RBFOX1: variants seen among roughly 807,000 people sequenced by gnomAD.
RBFOX1 encodes RNA binding protein fox-1 homolog 1.
A neutral mutation model predicts 57.7 loss-of-function variants in RBFOX1; 8 were observed. That is an observed-to-expected ratio of 0.14 (90% confidence interval 0.08 to 0.25). The LOEUF is 0.25. Ranked by LOEUF, RBFOX1 falls within the 10% of genes least tolerant of loss-of-function variation. The probability of loss-of-function intolerance (pLI) is 1.00; values close to 1 mark genes in which losing one functional copy is unlikely to be tolerated. For synonymous variants in RBFOX1, 326 were observed against 222.4 expected (o/e 1.47, Z -4.15); for missense variants, 611 against 548.5 (o/e 1.11, Z -1.14).
chr16:5,441,107 T>A (rs2068071075), intron 1 of RBFOX1, among the ~76,000 whole-genome samples: 1 of 152,206 alleles, frequency 6.6e-6, no homozygotes, highest in African/African-American at 2.4e-5. Context: ...TAATGTGGTT[T>A]GGACTAGTCT....
intron 1 of RBFOX1, among the ~76,000 whole-genome samples, chr16:6,055,663 G>T (rs2095606469): frequency 6.7e-6 from 1 of 150,214 alleles, no homozygotes; most frequent in South Asian, 2.1e-4. Flanking sequence ...GAAGTTTGCA[G>T]TCTGAGAAGC....
intron 1 of RBFOX1, among the ~76,000 whole-genome samples, chr16:5,374,879 C>G (rs1386674991): frequency 6.6e-6 from 1 of 151,694 alleles, no homozygotes; most frequent in Non-Finnish European, 1.5e-5. Context: ...CATGTAAGTA[C>G]CTGTATAATA....
At chr16:5,302,024 C>G (rs574705950) in intron 1 of RBFOX1, among the ~76,000 whole-genome samples, 3 of 151,992 alleles carry the variant, frequency 2.0e-5, no homozygotes, top group East Asian at 1.9e-4. Context: ...TCTTTAGGTT[C>G]CAGTTTAGAT....
chr16:7,442,388 C>G (rs180868030), intron 4 of RBFOX1, among the ~76,000 whole-genome samples: 87 of 152,236 alleles, frequency 5.7e-4, no homozygotes, highest in Middle Eastern at 3.4e-3. Context: ...ACGTAAGGAG[C>G]AGCATTTGTC....
chr16:7,305,352 G>T lies in RBFOX1; in HGVS notation c.28-212795G>T, dbSNP rs111529115. On this transcript the variant is annotated intron_variant, in intron 4 of 15. Coordinates refer to ENST00000550418, the MANE Select transcript of RBFOX1 (RefSeq NM_018723.4). The stretch of plus-strand genomic sequence containing the variant: ...GTTCCTGGGCTTGGGAAATAGCTCA[G>T]CACTGCCCTTGTAGGGTGACAGGCC... 3.1e-3 allele frequency among the ~76,000 whole-genome samples: 465 copies of T among 152,240 alleles called. 4 individuals are homozygous for T. The highest frequency in any genetic ancestry group is 0.011 in the African/African-American group (444 of 41,528).
intron 3 of RBFOX1, chr16:6,775,961 C>T (rs909056524): frequency 6.6e-6 from 1 of 152,168 alleles, no homozygotes; most frequent in South Asian, 2.1e-4. Flanking sequence ...GGATTGTGTT[C>T]ACAGGCATAT....
intron 3 of RBFOX1, among the ~76,000 whole-genome samples, chr16:5,829,097 C>T (rs894756469): frequency 2.6e-5 from 4 of 152,128 alleles, no homozygotes; most frequent in African/African-American, 9.7e-5. Flanking sequence ...AAGTCTCTAG[C>T]TCCAGCTCAC....
chr16:6,637,198 T>A (rs1208701035), intron 2 of RBFOX1, among the ~76,000 whole-genome samples: 6 of 66,366 alleles, frequency 9.0e-5, no homozygotes, highest in Admixed American at 5.6e-4. Flanking sequence ...CAATATATAT[T>A]ATATATTATA....
chr16:5,563,286 T>C (rs188133346), intron 2 of RBFOX1, among the ~76,000 whole-genome samples: 2 of 152,344 alleles, frequency 1.3e-5, no homozygotes, highest in Admixed American at 1.3e-4. Flanking sequence ...TCCTGACCCA[T>C]GTTCATTTCC....
At chr16:5,243,611 G>A (rs1363672058) in intron 1 of RBFOX1, among the ~76,000 whole-genome samples, 1 of 152,126 alleles carries the variant, frequency 6.6e-6, no homozygotes, top group East Asian at 1.9e-4. Context: ...GTCTCCAGAC[G>A]GTTTCAAATG....
At chr16:5,290,997 G>A (rs1321571696) in intron 1 of RBFOX1, among the ~76,000 whole-genome samples, 1 of 152,200 alleles carries the variant, frequency 6.6e-6, no homozygotes, top group Non-Finnish European at 1.5e-5. Flanking sequence ...ACTGCGCTCA[G>A]CCAGATTTAA....
intron 3 of RBFOX1, among the ~76,000 whole-genome samples, chr16:5,750,456 C>T (rs550137953): frequency 6.6e-6 from 1 of 152,220 alleles, no homozygotes; most frequent in Non-Finnish European, 1.5e-5. Flanking sequence ...CTATGCCGTG[C>T]CCCCAGAGGT....
At chr16:7,236,059 C>A (rs967696184) in intron 4 of RBFOX1, among the ~76,000 whole-genome samples, 5 of 152,102 alleles carry the variant, frequency 3.3e-5, no homozygotes, top group African/African-American at 4.8e-5. Flanking sequence ...TCAAAAAGAT[C>A]CTGGTTATTG....
At chr16:6,364,610 C>G (rs183549763) in intron 2 of RBFOX1, among the ~76,000 whole-genome samples, 1 of 152,292 alleles carries the variant, frequency 6.6e-6, no homozygotes, top group East Asian at 1.9e-4. Flanking sequence ...TTGATGGAGA[C>G]ATATGGTCAT....
intron 3 of RBFOX1, among the ~76,000 whole-genome samples, chr16:6,992,300 C>T (rs917409953): frequency 2.0e-5 from 3 of 152,070 alleles, no homozygotes; most frequent in Admixed American, 6.6e-5. Flanking sequence ...TCATTGCAGC[C>T]TCTGCCTCCC....
intron 3 of RBFOX1, among the ~76,000 whole-genome samples, chr16:6,924,315 A>C (rs1255199114): frequency 6.6e-6 from 1 of 151,940 alleles, no homozygotes; most frequent in East Asian, 1.9e-4. Flanking sequence ...GGCCTCAGGG[A>C]GGTTCCACTC....
chr16:6,073,397 C>G (rs963425709), intron 1 of RBFOX1, among the ~76,000 whole-genome samples: 89 of 152,174 alleles, frequency 5.8e-4, no homozygotes, highest in African/African-American at 2.0e-3. Flanking sequence ...GTACTTCTAT[C>G]TCTTAACTTT....
chr16:7,329,047 A>G (rs1286459548), intron 4 of RBFOX1, among the ~76,000 whole-genome samples: 1 of 152,234 alleles, frequency 6.6e-6, no homozygotes, highest in Non-Finnish European at 1.5e-5. Flanking sequence ...GAACATGGCC[A>G]CAATCCTTCT....
intron 4 of RBFOX1, among the ~76,000 whole-genome samples, chr16:6,011,260 C>G (rs1310353475): frequency 6.6e-6 from 1 of 152,082 alleles, no homozygotes; most frequent in African/African-American, 2.4e-5. Context: ...CTTTTTTTGC[C>G]TCTTGATAAG....
Sources: gnomAD v4.1 joint callset for allele counts (sites outside exome capture counted in the v4.1 genomes callset) on GRCh38, gnomAD v4.1.1 for gene constraint, MANE v1.5 for transcripts, NCBI Gene and HGNC (gene_info 2026-07-23, HGNC 2026-07-21) for gene names.